MAGI2: variants seen among roughly 807,000 people sequenced by gnomAD.
MAGI2 encodes membrane associated guanylate kinase, WW and PDZ domain containing 2, also known as membrane-associated guanylate kinase, WW and PDZ domain-containing protein 2.
A neutral mutation model predicts 133.3 loss-of-function variants in MAGI2; 35 were observed. The observed-to-expected ratio is 0.26, with a 90% CI of 0.20 to 0.35. The LOEUF (loss-of-function observed/expected upper bound fraction) is 0.35. Ranked by LOEUF, MAGI2 falls within the 10% of genes least tolerant of loss-of-function variation. The pLI is 1.00. For synonymous variants in MAGI2, 729 were observed against 710.6 expected (o/e 1.03, Z -0.41); for missense variants, 1,636 against 1,863.4 (o/e 0.88, Z 2.25).
chr7:79,132,840 A>G (rs1427129129), intron 1 of MAGI2, among the ~76,000 whole-genome samples: 1 of 152,144 alleles, frequency 6.6e-6, no homozygotes, highest in Middle Eastern at 3.2e-3. Context: ...AATAATGGCC[A>G]TTATTTCAGG....
chr7:79,398,839 A>G (rs1002202295), intron 1 of MAGI2, among the ~76,000 whole-genome samples: 4 of 152,154 alleles, frequency 2.6e-5, no homozygotes, highest in Non-Finnish European at 5.9e-5. Flanking sequence ...AACTACAAGT[A>G]AAAAAGAATT....
intron 2 of MAGI2, among the ~76,000 whole-genome samples, chr7:78,922,952 A>G (rs1799378672): frequency 6.6e-6 from 1 of 152,068 alleles, no homozygotes; most frequent in Non-Finnish European, 1.5e-5. Flanking sequence ...AGTGATGATG[A>G]GCATTTTTTC....
intron 2 of MAGI2, among the ~76,000 whole-genome samples, chr7:78,756,086 G>T (rs1043510997): frequency 6.6e-6 from 1 of 152,096 alleles, no homozygotes; most frequent in Admixed American, 6.6e-5. Flanking sequence ...TACACTCAGT[G>T]TCAGGCACAA....
intron 16 of MAGI2, among the ~76,000 whole-genome samples, chr7:78,144,524 GTTTC>G (rs1823095111): frequency 6.6e-6 from 1 of 152,102 alleles, no homozygotes; most frequent in African/African-American, 2.4e-5. Context: ...TTCTTGCACA[GTTTC>G]TTTCCTTCTT....
intron 16 of MAGI2, among the ~76,000 whole-genome samples, chr7:78,135,639 G>A (rs1822035913): frequency 6.6e-6 from 1 of 152,084 alleles, no homozygotes; most frequent in South Asian, 2.1e-4. Flanking sequence ...ATATTCTAGG[G>A]ACAATAATCA....
chr7:79,326,463 G>A (rs747350036), intron 1 of MAGI2, among the ~76,000 whole-genome samples: 8 of 152,028 alleles, frequency 5.3e-5, no homozygotes, highest in Non-Finnish European at 1.0e-4. Context: ...ATAAGTAAAG[G>A]AGCCTATATT....
intron 1 of MAGI2, among the ~76,000 whole-genome samples, chr7:79,030,602 G>T (rs1424004529): frequency 6.6e-6 from 1 of 152,190 alleles, no homozygotes; most frequent in African/African-American, 2.4e-5. Context: ...CATAGCAGGT[G>T]TTTAAGTAGA....
chr7:78,638,190 G>A (rs1464204494), intron 2 of MAGI2, among the ~76,000 whole-genome samples: 3 of 152,130 alleles, frequency 2.0e-5, no homozygotes, highest in African/African-American at 7.2e-5. Context: ...TGAAGTTGAT[G>A]TATATGCAAT....
chr7:78,248,392 C>T (rs188511397), intron 10 of MAGI2, among the ~76,000 whole-genome samples: 1 of 152,228 alleles, frequency 6.6e-6, no homozygotes, highest in Non-Finnish European at 1.5e-5. Flanking sequence ...GAACCATTAA[C>T]AAAACATCAG....
intron 2 of MAGI2, among the ~76,000 whole-genome samples, chr7:78,796,508 GA>G (rs1787626322): frequency 6.6e-6 from 1 of 152,178 alleles, no homozygotes; most frequent in Admixed American, 6.5e-5. Context: ...AGGATGTAGA[GA>G]AAGGAGGATG....
At chr7:78,818,237 A>G (rs1029081283) in intron 2 of MAGI2, among the ~76,000 whole-genome samples, 2 of 152,224 alleles carry the variant, frequency 1.3e-5, no homozygotes, top group Admixed American at 6.5e-5. Flanking sequence ...TACCTTATAT[A>G]TAACAAAGAA....
Position 78,706,981 on chromosome 7 carries a change from A to G in MAGI2, c.419-79742T>C, listed in dbSNP as rs562265764. On this transcript the variant is annotated intron_variant, in intron 2 of 21. Coordinates refer to ENST00000354212, the MANE Select transcript of MAGI2 (RefSeq NM_012301.4). ...GGGAATGACTTGGCCCTCCAGAAGT[A>G]CATTTCAGCCTCCTTTGTACTGAAT... 7.2e-5 allele frequency among the ~76,000 whole-genome samples: 11 copies of G among 152,224 alleles called. No homozygotes were observed. The East Asian group carries it at 1.7e-3, about 24-fold the overall frequency.
intron 2 of MAGI2, among the ~76,000 whole-genome samples, chr7:78,915,836 TG>T (rs1263299813): frequency 6.6e-6 from 1 of 151,204 alleles, no homozygotes; most frequent in African/African-American, 2.4e-5. Flanking sequence ...TGGCAAGGAG[TG>T]GGGGACTGCT....
At chr7:78,854,858 C>CT (rs143691490) in intron 2 of MAGI2, among the ~76,000 whole-genome samples, 95,255 of 149,910 alleles carry the variant, frequency 0.64, 30,787 homozygotes, top group Middle Eastern at 0.73. Flanking sequence ...ATGCATTACT[C>CT]TTTTATTTTT....
At chr7:78,143,042 A>G (rs781065653) in intron 16 of MAGI2, among the ~76,000 whole-genome samples, 9 of 152,328 alleles carry the variant, frequency 5.9e-5, no homozygotes, top group Non-Finnish European at 7.3e-5. Flanking sequence ...CATTTTTCGC[A>G]AAGACTCAGA....
chr7:79,024,626 C>T (rs1299530119), intron 1 of MAGI2, among the ~76,000 whole-genome samples: 2 of 151,958 alleles, frequency 1.3e-5, no homozygotes, highest in Non-Finnish European at 2.9e-5. Flanking sequence ...AGTCTCATAT[C>T]CAGAGTCTGT....
intron 1 of MAGI2, among the ~76,000 whole-genome samples, chr7:79,204,096 A>G (rs1018136460): frequency 3.3e-5 from 5 of 152,096 alleles, no homozygotes; most frequent in African/African-American, 1.2e-4. Context: ...ACATGGTGGG[A>G]AAAGAGATGT....
intron 1 of MAGI2, among the ~76,000 whole-genome samples, chr7:79,148,239 G>A (rs1822842064): frequency 6.6e-6 from 1 of 152,136 alleles, no homozygotes; most frequent in South Asian, 2.1e-4. Context: ...AATGTGGGAT[G>A]TTCACCCTTT....
intron 1 of MAGI2, among the ~76,000 whole-genome samples, chr7:79,037,339 C>A (rs574662825): frequency 2.0e-5 from 3 of 152,086 alleles, no homozygotes; most frequent in African/African-American, 7.2e-5. Flanking sequence ...AAAACCCCTG[C>A]GTTTCATGAC....
Sources: gnomAD v4.1 joint callset for allele counts (sites outside exome capture counted in the v4.1 genomes callset) on GRCh38, gnomAD v4.1.1 for gene constraint, MANE v1.5 for transcripts, NCBI Gene and HGNC (gene_info 2026-07-23, HGNC 2026-07-21) for gene names.